Variants in ITSN1 observed in about 807,000 individuals in gnomAD.
ITSN1 encodes intersectin 1, also known as intersectin-1.
A neutral mutation model predicts 239.8 loss-of-function variants in ITSN1; 58 were observed. That is an observed-to-expected ratio of 0.24 (90% CI 0.20 to 0.30). ITSN1 has a LOEUF of 0.30. Ranked by LOEUF, ITSN1 falls within the 10% of genes least tolerant of loss-of-function variation. The pLI, the probability that ITSN1 is intolerant of heterozygous loss-of-function variation, is 1.00. For synonymous variants in ITSN1, 780 were observed against 770.8 expected (o/e 1.01, Z -0.20); for missense variants, 1,558 against 2,103.3 (o/e 0.74, Z 5.07).
chr21:33,744,948 A>G (rs1199785063), intron 5 of ITSN1, among the ~76,000 whole-genome samples: 1 of 152,246 alleles, frequency 6.6e-6, no homozygotes, highest in Non-Finnish European at 1.5e-5. Context: ...CCTTTTGTAT[A>G]TGAGCTGTAC....
At chr21:33,834,459 C>G (rs367629736) in intron 28 of ITSN1, 35 bp downstream of exon 28, 45 of 1,372,438 alleles carry the variant, frequency 3.3e-5, no homozygotes, top group Non-Finnish European at 4.4e-5. Flanking sequence ...GGAAGATGGT[C>G]TGCATGCCAC....
chr21:33,856,639 A>G (rs1979395424), intron 29 of ITSN1, 97 bp from the exon 30 acceptor site: 1 of 1,568,192 alleles, frequency 6.4e-7, no homozygotes, highest in South Asian at 1.2e-5. Context: ...GACTGGAGCA[A>G]GCCCTCAGGA....
intron 36 of ITSN1, among the ~76,000 whole-genome samples, chr21:33,884,309 C>G (rs553494716): frequency 2.6e-5 from 4 of 152,144 alleles, no homozygotes; most frequent in African/African-American, 7.2e-5. Context: ...GTGGCAGAAA[C>G]CAATAGGAAA....
At chr21:33,820,457 T>C (rs1327599219) in intron 24 of ITSN1, among the ~76,000 whole-genome samples, 2 of 152,210 alleles carry the variant, frequency 1.3e-5, no homozygotes, top group African/African-American at 4.8e-5. Flanking sequence ...GAGAATAGAA[T>C]GTTTTATTTA....
intron 1 of ITSN1, among the ~76,000 whole-genome samples, chr21:33,692,434 C>T (rs963612838): frequency 6.6e-6 from 1 of 152,256 alleles, no homozygotes; most frequent in East Asian, 1.9e-4. Context: ...TGGGAGTTTG[C>T]CTCTGCTTTA....
chr21:33,679,698 CTTTTTTTTTTTTT>C (rs34301203), intron 1 of ITSN1, among the ~76,000 whole-genome samples: 2 of 86,318 alleles, frequency 2.3e-5, no homozygotes. Context: ...GATCCTTATC[CTTTTTTTTTTTTT>C]TTTTTTTTTT....
intron 1 of ITSN1, among the ~76,000 whole-genome samples, chr21:33,707,879 C>A (rs1323843987): frequency 6.6e-6 from 1 of 152,136 alleles, no homozygotes; most frequent in East Asian, 1.9e-4. Flanking sequence ...TTTGTGTGGG[C>A]ATAAATTTTC....
At chr21:33,802,546 T>C (rs975536765) in intron 20 of ITSN1, 102 bp downstream of exon 20, 8 of 1,212,356 alleles carry the variant, frequency 6.6e-6, no homozygotes, top group Admixed American at 3.6e-5. Flanking sequence ...TGGGTGTTGT[T>C]GCGGCAGTAA....
intron 16 of ITSN1, among the ~76,000 whole-genome samples, chr21:33,789,876 G>A (rs540762362): frequency 1.3e-5 from 2 of 152,150 alleles, no homozygotes; most frequent in Admixed American, 6.6e-5. Flanking sequence ...CAAACAGATT[G>A]CTTTTGAAAT....
At chr21:33,780,677 T>A (rs2070093057) in intron 14 of ITSN1, among the ~76,000 whole-genome samples, 1 of 152,226 alleles carries the variant, frequency 6.6e-6, no homozygotes, top group Non-Finnish European at 1.5e-5. Context: ...AAAAAGTCAA[T>A]ACATAGAGCT....
intron 29 of ITSN1, among the ~76,000 whole-genome samples, chr21:33,843,573 C>T (rs1031268629): frequency 6.6e-6 from 1 of 152,200 alleles, no homozygotes; most frequent in Non-Finnish European, 1.5e-5. Context: ...TATAACAACA[C>T]GGCTTCTCTG....
In ITSN1 at chr21:33,814,302, C is replaced by T. The variant is rs2073119987; in HGVS notation, c.2727+230C>T. The T allele has an allele frequency of 7.9e-6, 4 of 507,096 alleles. No homozygotes were observed. The East Asian group carries it at 1.3e-4, about 16-fold the overall frequency. 31.4% of individuals were successfully genotyped at this position (507,096 alleles called of 1,614,324 possible). ...CTCCTGCCTGGGTTGATGAAGGAAG[C>T]TTCATTGCAGAAGTGGCACTTGAGC... On this transcript the variant is annotated intron_variant, in intron 22 of 39. Transcript: ENST00000381318.
intron 14 of ITSN1, among the ~76,000 whole-genome samples, chr21:33,777,149 A>G (rs1315591198): frequency 6.6e-6 from 1 of 152,328 alleles, no homozygotes; most frequent in East Asian, 1.9e-4. Flanking sequence ...ATTTTTGCAG[A>G]TAGTATAAGG....
In ITSN1 at chr21:33,735,169, A is replaced by G. The variant is rs748942101; in HGVS notation, c.311A>G (p.Gln104Arg). The change falls in exon 5 of 40, where the codon CAG becomes CGG. Residue 104 changes from glutamine (Q) to arginine (R), a missense_variant. Coordinates refer to ENST00000381318, the MANE Select transcript of ITSN1 (RefSeq NM_003024.3). ...TCTGCACTTCCCCCTGTCATGAAAC[A>G]GCAACCAGTTGCTATTTCTAGCGCA... is the stretch of plus-strand genomic sequence containing the variant. ...LPSALPPVMK[Q>R]QPVAISSAPA... 6.2e-6 allele frequency: 10 copies of G among 1,613,900 alleles called. No homozygotes were observed. In the South Asian group the frequency reaches 1.1e-4, roughly 18 times the overall value.
intron 24 of ITSN1, among the ~76,000 whole-genome samples, chr21:33,821,650 A>G (rs773432200): frequency 1.3e-5 from 2 of 152,206 alleles, no homozygotes; most frequent in Non-Finnish European, 2.9e-5. Context: ...CAAGGCAGGC[A>G]GGGCAAGGCC....
At chr21:33,838,778 G>A (rs749048938) in intron 29 of ITSN1, among the ~76,000 whole-genome samples, 6 of 152,112 alleles carry the variant, frequency 3.9e-5, no homozygotes, top group Non-Finnish European at 7.3e-5. Context: ...CAGTCTCACC[G>A]GGCTTTTGAT....
chr21:33,795,205 C>A (rs557042673), intron 17 of ITSN1, among the ~76,000 whole-genome samples: 37 of 152,284 alleles, frequency 2.4e-4, no homozygotes, highest in Admixed American at 5.2e-4. Context: ...AATCCCAGCA[C>A]TTTGGGAGGC....
intron 16 of ITSN1, among the ~76,000 whole-genome samples, chr21:33,784,356 A>ACACACACACACACACACAC (rs2070465989): frequency 9.9e-6 from 1 of 100,764 alleles, no homozygotes; most frequent in Non-Finnish European, 2.3e-5. Context: ...CACACACACT[A>ACACACACACACACACACAC]GTCAGGTATG....
At chr21:33,694,914 C>T (rs1334161856) in intron 1 of ITSN1, among the ~76,000 whole-genome samples, 4 of 152,216 alleles carry the variant, frequency 2.6e-5, no homozygotes, top group Admixed American at 6.5e-5. Flanking sequence ...TCCTAGGCTC[C>T]ATCAATCCTG....
Sources: gnomAD v4.1 joint callset for allele counts (sites outside exome capture counted in the v4.1 genomes callset) on GRCh38, gnomAD v4.1.1 for gene constraint, MANE v1.5 for transcripts, NCBI Gene and HGNC (gene_info 2026-07-23, HGNC 2026-07-21) for gene names.